The following JAZF1 variants were observed in gnomAD, a reference collection of about 807,000 sequenced individuals.
The protein encoded by JAZF1 is JAZF zinc finger 1, also known as juxtaposed with another zinc finger protein 1.
JAZF1 carries 8 observed loss-of-function variants against 26.4 expected under a neutral mutation model. That is an observed-to-expected ratio of 0.30 (90% CI 0.18 to 0.55). The LOEUF (loss-of-function observed/expected upper bound fraction) is 0.55, where lower values mean the gene tolerates loss of function less well. Among genes scored for constraint, JAZF1 ranks in the 20% least tolerant of loss-of-function variants. The pLI is 0.94. For missense variants in JAZF1, 199 were observed against 322.0 expected (o/e 0.62, Z 2.92); for synonymous variants, 126 against 122.3 (o/e 1.03, Z -0.20).
intron 3 of JAZF1, among the ~76,000 whole-genome samples, chr7:27,845,158 CTA>C (rs1336210775): frequency 3.3e-5 from 5 of 152,284 alleles, no homozygotes; most frequent in Admixed American, 2.0e-4. Context: ...GAAAAAACAA[CTA>C]TGTGTATATA....
intron 2 of JAZF1, among the ~76,000 whole-genome samples, chr7:27,949,927 C>T (rs1394777818): frequency 6.6e-6 from 1 of 152,212 alleles, no homozygotes; most frequent in East Asian, 1.9e-4. Context: ...TATCTCTCCA[C>T]TGTCTCCCAA....
At chr7:28,068,079 A>G (rs1190496329) in intron 1 of JAZF1, among the ~76,000 whole-genome samples, 2 of 151,942 alleles carry the variant, frequency 1.3e-5, no homozygotes, top group Admixed American at 6.6e-5. Context: ...ACGCCCAGCT[A>G]ATTTTTTGTA....
At chr7:27,869,305 T>G (rs572263766) in intron 3 of JAZF1, among the ~76,000 whole-genome samples, 1 of 152,238 alleles carries the variant, frequency 6.6e-6, no homozygotes, top group South Asian at 2.1e-4. Context: ...TGAATGGAAA[T>G]GCGATGAATG....
At chr7:28,132,760 C>T (rs1194072755) in intron 1 of JAZF1, among the ~76,000 whole-genome samples, 1 of 152,088 alleles carries the variant, frequency 6.6e-6, no homozygotes, top group African/African-American at 2.4e-5. Context: ...GCAGGTGAAA[C>T]TTTTCAAACA....
intron 1 of JAZF1, among the ~76,000 whole-genome samples, chr7:28,028,120 C>G (rs1359843548): frequency 6.6e-6 from 1 of 152,034 alleles, no homozygotes; most frequent in African/African-American, 2.4e-5. Flanking sequence ...CAAAACAAGC[C>G]CAAGTTCAAT....
Position 27,992,063 on chromosome 7 carries a change from T to C in JAZF1, c.116-82A>G, listed in dbSNP as rs563027610. On this transcript the variant is annotated intron_variant, in intron 1 of 4. Coordinates refer to ENST00000283928, the MANE Select transcript of JAZF1 (RefSeq NM_175061.4). ...CTACCTAACACAAAGTAACAGAGGCTAAGCAGAGAAAAAGATTAATTTAGT... is the reference window on the plus strand; with the variant it reads ...CTACCTAACACAAAGTAACAGAGGCCAAGCAGAGAAAAAGATTAATTTAGT... 6 of 843,376 alleles carry C rather than the reference T, an allele frequency of 7.1e-6. No individual in the cohort carries two copies. The African/African-American group carries it at 1.0e-4, about 14-fold the overall frequency. The allele number at this position is 843,376 out of a possible 1,614,324, so 52.2% of individuals were successfully genotyped here.
chr7:28,085,922 A>G (rs551221551), intron 1 of JAZF1, among the ~76,000 whole-genome samples: 1 of 152,356 alleles, frequency 6.6e-6, no homozygotes, highest in Non-Finnish European at 1.5e-5. Context: ...GCACATCTGC[A>G]AAGTACTAGA....
At chr7:28,169,317 T>C (rs1485585126) in intron 1 of JAZF1, among the ~76,000 whole-genome samples, 1 of 152,246 alleles carries the variant, frequency 6.6e-6, no homozygotes, top group Non-Finnish European at 1.5e-5. Flanking sequence ...GAGTTTCCAA[T>C]CTGGGCAGAA....
At chr7:27,886,592 CATGTGT>C (rs2128340451) in intron 3 of JAZF1, among the ~76,000 whole-genome samples, 1 of 152,268 alleles carries the variant, frequency 6.6e-6, no homozygotes, top group East Asian at 1.9e-4. Context: ...AGAATGACCC[CATGTGT>C]ATCTCTATAT....
chr7:27,951,462 T>C (rs1343529497), intron 2 of JAZF1, among the ~76,000 whole-genome samples: 6 of 152,236 alleles, frequency 3.9e-5, no homozygotes, highest in Admixed American at 2.6e-4. Context: ...GCATGCATTT[T>C]AGACATCAAA....
chr7:28,106,916 C>G (rs1267972176), intron 1 of JAZF1, among the ~76,000 whole-genome samples: 4 of 152,202 alleles, frequency 2.6e-5, no homozygotes, highest in Admixed American at 2.6e-4. Context: ...TGGGCTAGCA[C>G]AAGGCTGGAA....
At chr7:28,077,140 C>A (rs1193784035) in intron 1 of JAZF1, among the ~76,000 whole-genome samples, 3 of 152,152 alleles carry the variant, frequency 2.0e-5, no homozygotes, top group Admixed American at 2.0e-4. Context: ...AATTATAACA[C>A]CGGCACTTTA....
chr7:27,935,232 T>C (rs536228295), intron 2 of JAZF1, among the ~76,000 whole-genome samples: 7 of 152,226 alleles, frequency 4.6e-5, no homozygotes, highest in African/African-American at 7.2e-5. Flanking sequence ...ATTGGAATCG[T>C]CACCTATTGT....
intron 3 of JAZF1, among the ~76,000 whole-genome samples, chr7:27,866,848 T>C (rs1583438118): frequency 6.6e-6 from 1 of 152,324 alleles, no homozygotes; most frequent in African/African-American, 2.4e-5. Context: ...AGTGGAGACC[T>C]GGGGATAAAG....
chr7:27,882,438 T>C (rs1440786263), intron 3 of JAZF1, among the ~76,000 whole-genome samples: 1 of 152,216 alleles, frequency 6.6e-6, no homozygotes, highest in Non-Finnish European at 1.5e-5. Flanking sequence ...CAGTCCAATT[T>C]TCCAAGGAGG....
intron 1 of JAZF1, among the ~76,000 whole-genome samples, chr7:28,083,311 T>A (rs1438194095): frequency 2.6e-5 from 4 of 152,174 alleles, no homozygotes; most frequent in Admixed American, 2.6e-4. Flanking sequence ...AACCCCAGAA[T>A]CTGCACAAGG....
chr7:27,979,120 G>A (rs1055671870), intron 2 of JAZF1, among the ~76,000 whole-genome samples: 1 of 152,074 alleles, frequency 6.6e-6, no homozygotes, highest in South Asian at 2.1e-4. Flanking sequence ...CAAAGAGAAC[G>A]AGAGTAGATC....
intron 1 of JAZF1, among the ~76,000 whole-genome samples, chr7:28,161,622 C>T (rs893041707): frequency 7.2e-5 from 11 of 152,156 alleles, no homozygotes; most frequent in Admixed American, 6.5e-5. Flanking sequence ...CATGGAGGTC[C>T]CCATGGCAAA....
At chr7:27,983,236 G>A (rs1785623960) in intron 2 of JAZF1, among the ~76,000 whole-genome samples, 1 of 152,160 alleles carries the variant, frequency 6.6e-6, no homozygotes, top group Non-Finnish European at 1.5e-5. Context: ...AGAATAAATA[G>A]TGTAGAGAAA....
Sources: allele counts gnomAD v4.1 joint callset (sites outside exome capture counted in the v4.1 genomes callset), GRCh38; gene constraint gnomAD v4.1.1; transcripts MANE v1.5; gene names NCBI Gene and HGNC (gene_info 2026-07-23, HGNC 2026-07-21).